LINGO1: variants seen among roughly 807,000 people sequenced by gnomAD.
LINGO1 encodes leucine rich repeat and Ig domain containing 1.
A neutral mutation model predicts 37.3 loss-of-function variants in LINGO1; 11 were observed. The ratio of observed to expected loss-of-function variants is 0.29; its 90% confidence interval spans 0.19 to 0.49. The LOEUF is 0.49. Ranked by LOEUF, LINGO1 falls within the 20% of genes least tolerant of loss-of-function variation. The pLI is 0.99. For missense variants in LINGO1, 585 were observed against 878.2 expected, an observed-to-expected ratio of 0.67 and a Z score of 4.22; for synonymous variants, 387 against 403.0, an observed-to-expected ratio of 0.96 and a Z score of 0.48.
At chr15:77,660,801 G>A (rs2074974810) in intron 3 of LINGO1, among the ~76,000 whole-genome samples, 1 of 151,874 alleles carries the variant, frequency 6.6e-6, no homozygotes, top group Non-Finnish European at 1.5e-5. Context: ...TCTGGTTTGG[G>A]AGTAGAGGAA....
At chr15:77,631,695 GCAGA>G (rs2074258801) in intron 1 of LINGO1, among the ~76,000 whole-genome samples, 1 of 152,238 alleles carries the variant, frequency 6.6e-6, no homozygotes, top group Admixed American at 6.5e-5. Context: ...CGGGCTGAAC[GCAGA>G]CAAAGGGGAG....
chr15:77,711,502 G>C (rs1232127562), intron 2 of LINGO1, among the ~76,000 whole-genome samples: 1 of 152,212 alleles, frequency 6.6e-6, no homozygotes, highest in Non-Finnish European at 1.5e-5. Context: ...GCTGCTGAAT[G>C]AGTGTTGGTA....
In LINGO1 at chr15:77,613,940, T is replaced by C. The variant is rs2073592113; in HGVS notation, c.*104A>G. ...GCGGGAGGGAGAAAGAGAACGTGTG[T>C]AGAAGGGTAGGGAGGAGGTGGGAAG... On this transcript the variant is annotated 3_prime_UTR_variant, in exon 2 of 2. Coordinates refer to ENST00000355300, the MANE Select transcript of LINGO1 (RefSeq NM_032808.7). 4 of 944,200 alleles carry C rather than the reference T, an allele frequency of 4.2e-6. No homozygotes were observed. In the South Asian group the frequency reaches 5.0e-5, roughly 12 times the overall value. The allele number at this position is 944,200 out of a possible 1,614,324, so 58.5% of individuals were successfully genotyped here.
chr15:77,728,820 A>G (rs963800077), intron 2 of LINGO1, among the ~76,000 whole-genome samples: 1 of 152,358 alleles, frequency 6.6e-6, no homozygotes, highest in Admixed American at 6.5e-5. Flanking sequence ...TTCTCTGTAG[A>G]AACAGCTCAT....
At chr15:77,634,935 T>G (rs1019821178), upstream of LINGO1, among the ~76,000 whole-genome samples, 1 of 152,128 alleles carries the variant, frequency 6.6e-6, no homozygotes, top group African/African-American at 2.4e-5. Flanking sequence ...GGGCTATTCC[T>G]GGTGCGGTGA....
intron 2 of LINGO1, among the ~76,000 whole-genome samples, chr15:77,730,398 G>A (rs2076142920): frequency 6.6e-6 from 1 of 152,194 alleles, no homozygotes; most frequent in African/African-American, 2.4e-5. Flanking sequence ...GGTAAGTACT[G>A]GAGCTGGGAC....
At chr15:77,664,577 G>A (rs1170620128) in intron 3 of LINGO1, among the ~76,000 whole-genome samples, 1 of 152,174 alleles carries the variant, frequency 6.6e-6, no homozygotes, top group Non-Finnish European at 1.5e-5. Context: ...AGCATCCTGT[G>A]GCAGGCACTC....
At chr15:77,644,679 T>C (rs1024919342) in intron 3 of LINGO1, among the ~76,000 whole-genome samples, 8 of 152,188 alleles carry the variant, frequency 5.3e-5, no homozygotes, top group Admixed American at 1.3e-4. Flanking sequence ...CTTCGGAAGC[T>C]GAGGGACACA....
intron 1 of LINGO1, among the ~76,000 whole-genome samples, chr15:77,776,447 T>TAGCAGGAA (rs1596217529): frequency 4.3e-4 from 15 of 34,950 alleles, no homozygotes; most frequent in East Asian, 3.7e-3. Context: ...CCCGGGGCTT[T>TAGCAGGAA]AGCAGGAAGG....
chr15:77,705,155 AC>A (rs969229157), intron 2 of LINGO1, among the ~76,000 whole-genome samples: 5 of 141,378 alleles, frequency 3.5e-5, no homozygotes, highest in African/African-American at 1.1e-4. Context: ...GCCTGAAGAT[AC>A]CCCCCTCCCC....
intron 3 of LINGO1, among the ~76,000 whole-genome samples, chr15:77,660,506 C>T (rs1662020921): frequency 1.3e-5 from 2 of 152,318 alleles, no homozygotes; most frequent in African/African-American, 4.8e-5. Context: ...AGATGCCTGA[C>T]ATGGTTTGCA....
At chr15:77,790,160 C>G (rs1318085810), upstream of LINGO1, among the ~76,000 whole-genome samples, 3 of 152,184 alleles carry the variant, frequency 2.0e-5, no homozygotes, top group African/African-American at 7.2e-5. Flanking sequence ...TGGTACTTAG[C>G]TATAGCAGCC....
intron 2 of LINGO1, among the ~76,000 whole-genome samples, chr15:77,682,988 G>A (rs1567518546): frequency 6.6e-6 from 1 of 152,100 alleles, no homozygotes; most frequent in Admixed American, 6.5e-5. Flanking sequence ...ACACAAAACA[G>A]ACAAAGTTTT....
chr15:77,644,222 G>C (rs2074572985), intron 3 of LINGO1, among the ~76,000 whole-genome samples: 1 of 152,222 alleles, frequency 6.6e-6, no homozygotes, highest in Non-Finnish European at 1.5e-5. Flanking sequence ...GTGTGTGTCA[G>C]GGTAGGTGTC....
intron 1 of LINGO1, among the ~76,000 whole-genome samples, chr15:77,766,170 C>T (rs948453385): frequency 6.6e-6 from 1 of 151,900 alleles, no homozygotes; most frequent in African/African-American, 2.4e-5. Flanking sequence ...TGGTGGCATG[C>T]ACCTGTAGTC....
chr15:77,668,750 A>G (rs1263651673), intron 3 of LINGO1, among the ~76,000 whole-genome samples: 2 of 151,738 alleles, frequency 1.3e-5, no homozygotes, highest in East Asian at 3.9e-4. Context: ...ACACACATAT[A>G]CACACACACA....
intron 1 of LINGO1, among the ~76,000 whole-genome samples, chr15:77,631,207 G>A (rs1290946068): frequency 1.3e-5 from 2 of 152,228 alleles, no homozygotes; most frequent in East Asian, 3.9e-4. Context: ...GCCAGGCTGG[G>A]CTATGCGCCC....
chr15:77,685,988 T>C (rs1233716720), intron 2 of LINGO1, among the ~76,000 whole-genome samples: 1 of 151,712 alleles, frequency 6.6e-6, no homozygotes, highest in African/African-American at 2.4e-5. Flanking sequence ...CCCAGGTGGG[T>C]GGTGGGCGGC....
chr15:77,807,145 G>A (rs932753404), intron 1 of LINGO1, among the ~76,000 whole-genome samples: 6 of 152,148 alleles, frequency 3.9e-5, no homozygotes, highest in African/African-American at 9.7e-5. Flanking sequence ...TCTTCAAGGC[G>A]CAGTCCAAAT....
Sources: allele counts gnomAD v4.1 joint callset (sites outside exome capture counted in the v4.1 genomes callset), GRCh38; gene constraint gnomAD v4.1.1; transcripts MANE v1.5; gene names NCBI Gene and HGNC (gene_info 2026-07-23, HGNC 2026-07-21).